HTR4: variants seen among roughly 807,000 people sequenced by gnomAD.
The protein encoded by HTR4 is 5-hydroxytryptamine receptor 4.
In HTR4, 16 loss-of-function variants were observed where a neutral mutation model predicts 36.8. The ratio of observed to expected loss-of-function variants is 0.43; its 90% CI spans 0.29 to 0.66. The LOEUF is 0.66. Among genes scored for constraint, HTR4 ranks in the 30% least tolerant of loss-of-function variants. The pLI, the probability that HTR4 is intolerant of heterozygous loss-of-function variation, is 0.13. For missense variants in HTR4, 438 were observed against 490.9 expected (o/e 0.89, Z 1.02); for synonymous variants, 189 against 185.1 (o/e 1.02, Z -0.17).
At chr5:148,507,523 T>TA (rs563991665) in intron 6 of HTR4, among the ~76,000 whole-genome samples, 145 of 148,338 alleles carry the variant, frequency 9.8e-4, no homozygotes, top group African/African-American at 3.3e-3. Flanking sequence ...TAAAGTATAA[T>TA]AAAAAAATAA....
intron 5 of HTR4, among the ~76,000 whole-genome samples, chr5:148,518,801 C>T (rs1757878240): frequency 6.6e-6 from 1 of 152,124 alleles, no homozygotes; most frequent in Non-Finnish European, 1.5e-5. Context: ...AATTTTGTTC[C>T]AAAACACTTT....
rs1757415275 is a variant in HTR4, at chr5:148,509,905, C to T, written c.627G>A (p.Val209=). Residue 209 remains valine, a synonymous_variant, in exon 6 of 7, where the codon GTG becomes GTA. Transcript: ENST00000377888. ...VAFYIPFLLM[V]LAYYRIYVTA... ...TGACATAGATGCGGTAATAGGCCAG[C>T]ACCATGAGGAGAAATGGGATGTAGA... 1 of 1,613,810 alleles carries T rather than the reference C, an allele frequency of 6.2e-7. No homozygotes were observed. The highest frequency in any genetic ancestry group is 1.3e-5 in the African/African-American group (1 of 74,858).
chr5:148,467,122 A>C (rs1413736568), intron 5 of HTR4, among the ~76,000 whole-genome samples: 1 of 152,198 alleles, frequency 6.6e-6, no homozygotes, highest in African/African-American at 2.4e-5. Context: ...AAATAGCAGG[A>C]TTGTTGAATT....
chr5:148,566,297 A>G (rs1760440168), intron 2 of HTR4, among the ~76,000 whole-genome samples: 1 of 152,202 alleles, frequency 6.6e-6, no homozygotes, highest in South Asian at 2.1e-4. Context: ...TCCAGATACT[A>G]TAGTGAAAGA....
At chr5:148,504,503 G>T (rs564657784) in intron 6 of HTR4, among the ~76,000 whole-genome samples, 2 of 152,242 alleles carry the variant, frequency 1.3e-5, no homozygotes, top group African/African-American at 4.8e-5. Context: ...AGTGTGTAGA[G>T]GGAAATTTAT....
At chr5:148,528,773 C>T (rs552139612) in intron 4 of HTR4, among the ~76,000 whole-genome samples, 1 of 152,136 alleles carries the variant, frequency 6.6e-6, no homozygotes, top group Admixed American at 6.5e-5. Flanking sequence ...AACACATAAA[C>T]ACCACCACTA....
chr5:148,470,015 G>A (rs1014299904), intron 5 of HTR4, among the ~76,000 whole-genome samples: 4 of 152,196 alleles, frequency 2.6e-5, no homozygotes, highest in African/African-American at 4.8e-5. Context: ...GATGATGTAC[G>A]TGAAAGAGCT....
At chr5:148,534,184 T>C (rs1469641958) in intron 4 of HTR4, among the ~76,000 whole-genome samples, 1 of 152,180 alleles carries the variant, frequency 6.6e-6, no homozygotes, top group East Asian at 1.9e-4. Context: ...TGGCAAAACC[T>C]TCCAACTGGG....
At chr5:148,453,727 T>A (rs1755030437) in intron 5 of HTR4, among the ~76,000 whole-genome samples, 1 of 152,140 alleles carries the variant, frequency 6.6e-6, no homozygotes, top group South Asian at 2.1e-4. Context: ...GCTCTGGCTT[T>A]TACTACATGT....
intron 4 of HTR4, among the ~76,000 whole-genome samples, chr5:148,530,675 G>C (rs922829104): frequency 6.6e-6 from 1 of 152,202 alleles, no homozygotes; most frequent in Admixed American, 6.5e-5. Flanking sequence ...AACTAGTAGA[G>C]CTGCGAGAAG....
chr5:148,654,184 T>G lies in HTR4; in HGVS notation c.-170A>C. 2.0e-6 allele frequency: 2 copies of G among 985,388 alleles called. No individual in the cohort carries two copies. The highest frequency in any genetic ancestry group is 2.4e-6 in the Non-Finnish European group (2 of 829,924). The allele number at this position is 985,388 out of a possible 1,614,324, so 61.0% of individuals were successfully genotyped here. A position where few individuals can be genotyped will look rare whatever the true frequency, so the allele number is the denominator to read the frequency against. On this transcript the variant is annotated 5_prime_UTR_variant, in exon 1 of 7. Transcript: ENST00000377888. ...TCCCAGCCGCTGCCTGCGCCCTCCCTGCCGCCCCCTCGGGTGCGGGCTCCA... is the reference window on the plus strand; with the variant it reads ...TCCCAGCCGCTGCCTGCGCCCTCCCGGCCGCCCCCTCGGGTGCGGGCTCCA...
intron 2 of HTR4, among the ~76,000 whole-genome samples, chr5:148,555,885 G>A (rs1157170975): frequency 6.6e-6 from 1 of 151,780 alleles, no homozygotes; most frequent in Non-Finnish European, 1.5e-5. Context: ...TGATAAATAA[G>A]TGATTATTGT....
chr5:148,580,057 T>C (rs1410712640), intron 2 of HTR4, among the ~76,000 whole-genome samples: 2 of 152,020 alleles, frequency 1.3e-5, no homozygotes, highest in Admixed American at 1.3e-4. Flanking sequence ...GAGCAGGATA[T>C]CTTGGGGGAC....
At chr5:148,575,497 G>A (rs981343192) in intron 2 of HTR4, among the ~76,000 whole-genome samples, 1 of 152,012 alleles carries the variant, frequency 6.6e-6, no homozygotes, top group African/African-American at 2.4e-5. Flanking sequence ...TGCTGTGGGA[G>A]CATCACCACA....
chr5:148,589,172 C>T (rs2047456721), intron 2 of HTR4, among the ~76,000 whole-genome samples: 1 of 152,048 alleles, frequency 6.6e-6, no homozygotes, highest in African/African-American at 2.4e-5. Flanking sequence ...TGCACAAGTT[C>T]GAGTTTTTCT....
intron 6 of HTR4, among the ~76,000 whole-genome samples, chr5:148,502,539 G>T (rs1001577071): frequency 6.6e-6 from 1 of 152,148 alleles, no homozygotes; most frequent in Admixed American, 6.5e-5. Flanking sequence ...AAACCACAAA[G>T]ATGGGGAAAA....
chr5:148,635,909 T>C (rs773973857), intron 2 of HTR4, among the ~76,000 whole-genome samples: 32 of 152,236 alleles, frequency 2.1e-4, no homozygotes, highest in Non-Finnish European at 4.1e-4. Flanking sequence ...CACACTTTTA[T>C]TGAGAGTGTA....
At chr5:148,539,431 G>C (rs1425452809) in intron 4 of HTR4, among the ~76,000 whole-genome samples, 1 of 152,066 alleles carries the variant, frequency 6.6e-6, no homozygotes, top group East Asian at 1.9e-4. Flanking sequence ...AGAGCAAACA[G>C]ACCCTACAGA....
At chr5:148,621,264 G>A (rs1752908826) in intron 2 of HTR4, among the ~76,000 whole-genome samples, 2 of 152,166 alleles carry the variant, frequency 1.3e-5, no homozygotes, top group African/African-American at 4.8e-5. Flanking sequence ...CAAGACATCA[G>A]GGCTGCCCAC....
Sources: allele counts gnomAD v4.1 joint callset (sites outside exome capture counted in the v4.1 genomes callset), GRCh38; gene constraint gnomAD v4.1.1; transcripts MANE v1.5; gene names NCBI Gene and HGNC (gene_info 2026-07-23, HGNC 2026-07-21).